RNF130: variants seen among roughly 807,000 people sequenced by gnomAD.
The protein encoded by RNF130 is ring finger protein 130, also known as E3 ubiquitin-protein ligase RNF130.
RNF130 carries 21 observed loss-of-function variants against 44.6 expected under a neutral mutation model. The observed-to-expected ratio is 0.47, with a 90% confidence interval of 0.33 to 0.68. The LOEUF is 0.68. Ranked by LOEUF, RNF130 falls within the 30% of genes least tolerant of loss-of-function variation. RNF130 has a pLI of 0.02. For synonymous variants in RNF130, 214 were observed against 210.4 expected (o/e 1.02, Z -0.15); for missense variants, 479 against 560.6 (o/e 0.85, Z 1.47).
intron 1 of RNF130, among the ~76,000 whole-genome samples, chr5:180,047,438 A>G (rs1764590661): frequency 6.6e-6 from 1 of 152,114 alleles, no homozygotes; most frequent in Non-Finnish European, 1.5e-5. Flanking sequence ...TTGGGTGTTT[A>G]GTCTTATTGA....
intron 7 of RNF130, among the ~76,000 whole-genome samples, chr5:179,948,562 T>G (rs1762079045): frequency 6.6e-6 from 1 of 151,954 alleles, no homozygotes. Context: ...TCCCAGCTAC[T>G]CAGGAGGCTG....
At chr5:180,012,657 A>G (rs891416767) in intron 3 of RNF130, among the ~76,000 whole-genome samples, 1 of 152,228 alleles carries the variant, frequency 6.6e-6, no homozygotes, top group Non-Finnish European at 1.5e-5. Context: ...ATACTTTCCC[A>G]GTTCAAAATT....
intron 1 of RNF130, among the ~76,000 whole-genome samples, chr5:180,057,085 G>A (rs536555471): frequency 2.6e-5 from 4 of 152,288 alleles, no homozygotes; most frequent in Admixed American, 6.5e-5. Flanking sequence ...CCATACCAGC[G>A]TCTGTGCTAA....
Position 180,028,067 on chromosome 5 carries a change from G to A in RNF130, c.442+12386C>T, listed in dbSNP as rs570034755. Among the ~76,000 whole-genome samples the A allele has an allele frequency of 3.3e-5, 5 of 152,296 alleles. No individual in the cohort carries two copies. The East Asian group carries it at 9.6e-4, about 29-fold the overall frequency. ...CCTATCCACCATGTTGAGCTGTGCT[G>A]TTTTTTTCCTGTACTTAAAATTACT... On this transcript the variant is annotated intron_variant, in intron 2 of 8. Transcript: ENST00000521389.
chr5:180,021,875 C>G (rs149517459), intron 2 of RNF130, among the ~76,000 whole-genome samples: 1 of 152,314 alleles, frequency 6.6e-6, no homozygotes, highest in East Asian at 1.9e-4. Flanking sequence ...CCAATAACGT[C>G]CTTTACAGCA....
chr5:180,013,263 T>A lies in RNF130; in HGVS notation c.491A>T (p.Asp164Val). 1 of 1,613,972 alleles carries A rather than the reference T, an allele frequency of 6.2e-7. No individual in the cohort carries two copies. Among genetic ancestry groups the A allele is most frequent in the Non-Finnish European group, 8.5e-7 (1 of 1,179,846 alleles). Residue 164 changes from aspartate to valine, a missense_variant, in exon 3 of 9, where the codon GAT becomes GTT. Asp to Val is a radical substitution (Grantham distance 152). Transcript: ENST00000521389. ...AVMITELRGK[D>V]ILSYLEKNIS... ...GTTTTTCTCCAGATAACTCAAAATA[T>A]CCTTACCCCTCAATTCTGTTATCAT...
intron 6 of RNF130, among the ~76,000 whole-genome samples, chr5:179,968,417 G>T (rs1319680739): frequency 6.6e-6 from 1 of 152,142 alleles, no homozygotes; most frequent in African/African-American, 2.4e-5. Flanking sequence ...TGTAATCCCG[G>T]CACTGTGGGA....
intron 1 of RNF130, among the ~76,000 whole-genome samples, chr5:180,046,003 G>T (rs1296278681): frequency 2.0e-5 from 3 of 152,206 alleles, no homozygotes; most frequent in African/African-American, 7.2e-5. Flanking sequence ...GTGGAGCAGG[G>T]GGCAGCGCTC....
intron 3 of RNF130, among the ~76,000 whole-genome samples, chr5:179,984,044 G>A (rs1471982629): frequency 1.3e-5 from 2 of 152,022 alleles, no homozygotes; most frequent in Non-Finnish European, 2.9e-5. Context: ...CCATCTGCTT[G>A]ATGAAAATGC....
chr5:179,963,467 T>C lies in RNF130; in HGVS notation c.1244+4A>G. 2 of 1,611,046 alleles carry C rather than the reference T, an allele frequency of 1.2e-6. No homozygotes were observed. Among genetic ancestry groups the C allele is most frequent in the Non-Finnish European group, 8.5e-7 (1 of 1,177,454 alleles). Reference sequence around the variant, plus strand: ...ATGCAATCCAAAAACAATTTGTTACTTACTCATTAGCATTCAAGCTAGCTG... The same window carrying C: ...ATGCAATCCAAAAACAATTTGTTACCTACTCATTAGCATTCAAGCTAGCTG... On this transcript the variant is annotated splice_donor_region_variant and intron_variant, in intron 8 of 8. Coordinates refer to ENST00000521389, the MANE Select transcript of RNF130 (RefSeq NM_018434.6).
At chr5:180,030,453 T>C (rs961000473) in intron 2 of RNF130, among the ~76,000 whole-genome samples, 3 of 152,358 alleles carry the variant, frequency 2.0e-5, no homozygotes, top group Middle Eastern at 6.8e-3. Context: ...GCAACCATCA[T>C]CACATCCAGT....
At chr5:179,974,810 C>T (rs1424687160) in intron 5 of RNF130, among the ~76,000 whole-genome samples, 2 of 152,230 alleles carry the variant, frequency 1.3e-5, no homozygotes, top group Admixed American at 6.5e-5. Context: ...AGAACGAGGC[C>T]CCGAGGAAGG....
intron 1 of RNF130, among the ~76,000 whole-genome samples, chr5:180,060,820 A>C (rs1471549336): frequency 6.6e-6 from 1 of 152,220 alleles, no homozygotes; most frequent in Non-Finnish European, 1.5e-5. Context: ...CTGTAATCCC[A>C]GCACTTTGGG....
downstream of RNF130, among the ~76,000 whole-genome samples, chr5:179,952,097 C>G (rs146382897): frequency 5.7e-4 from 86 of 152,134 alleles, no homozygotes; most frequent in African/African-American, 2.1e-3. Flanking sequence ...CTTTGGGAGG[C>G]TGAGGTAGGA....
At chr5:179,963,591 C>A in intron 7 of RNF130, 27 bp from the exon 8 acceptor site, 1 of 1,506,136 alleles carries the variant, frequency 6.6e-7, no homozygotes. Context: ...GGGAGGAAAT[C>A]ACTCTGGGGA....
intron 5 of RNF130, among the ~76,000 whole-genome samples, chr5:179,974,199 C>T (rs1280423458): frequency 1.3e-5 from 2 of 152,336 alleles, no homozygotes; most frequent in African/African-American, 2.4e-5. Flanking sequence ...TCTATGGACC[C>T]TCGGCTGCAG....
intron 1 of RNF130, among the ~76,000 whole-genome samples, chr5:180,061,324 A>G (rs921741876): frequency 1.3e-5 from 2 of 152,200 alleles, no homozygotes; most frequent in African/African-American, 4.8e-5. Context: ...GGATGAAGAA[A>G]GTATAGCTCG....
chr5:179,961,961 C>T (rs888689368), intron 8 of RNF130, among the ~76,000 whole-genome samples: 19 of 152,230 alleles, frequency 1.2e-4, no homozygotes, highest in Non-Finnish European at 1.9e-4. Context: ...TAGGCTGATT[C>T]TCATAACAAC....
intron 7 of RNF130, among the ~76,000 whole-genome samples, chr5:179,925,513 A>C (rs1353554428): frequency 6.6e-6 from 1 of 151,088 alleles, no homozygotes; most frequent in Non-Finnish European, 1.5e-5. Context: ...TTTTTCATTT[A>C]TTTATTTATT....
Sources: gnomAD v4.1 joint callset for allele counts (sites outside exome capture counted in the v4.1 genomes callset) on GRCh38, gnomAD v4.1.1 for gene constraint, MANE v1.5 for transcripts, NCBI Gene and HGNC (gene_info 2026-07-23, HGNC 2026-07-21) for gene names.